NYAP2: variants seen among roughly 807,000 people sequenced by gnomAD.
NYAP2 encodes the protein neuronal tyrosine-phosphorylated phosphoinositide-3-kinase adaptor 2.
Under a neutral mutation model 50.4 loss-of-function variants are expected in NYAP2, and 23 were observed. The ratio of observed to expected loss-of-function variants is 0.46; its 90% CI spans 0.33 to 0.65. NYAP2 has a LOEUF of 0.65. Ranked by LOEUF, NYAP2 falls within the 30% of genes least tolerant of loss-of-function variation. NYAP2 has a pLI of 0.02. For missense variants in NYAP2, 885 were observed against 861.0 expected, an observed-to-expected ratio of 1.03 and a Z score of -0.35; for synonymous variants, 394 against 365.2, an observed-to-expected ratio of 1.08 and a Z score of -0.90.
At chr2:225,467,251 GCA>G (rs1465276528) in intron 3 of NYAP2, among the ~76,000 whole-genome samples, 1 of 152,172 alleles carries the variant, frequency 6.6e-6, no homozygotes, top group Non-Finnish European at 1.5e-5. Flanking sequence ...GCCTCTTAGT[GCA>G]CATGTGTGAG....
intron 3 of NYAP2, among the ~76,000 whole-genome samples, chr2:225,449,601 CTTTTTTTT>C (rs201552006): frequency 6.0e-4 from 58 of 96,318 alleles, no homozygotes; most frequent in African/African-American, 2.1e-3. Context: ...CTCTCTTTCT[CTTTTTTTT>C]TTTTTTTTTT....
chr2:225,508,011 C>T lies in NYAP2; in HGVS notation c.222-5360C>T, dbSNP rs115487752. ...TTGGTGGAGATATTTACAAACATTG[C>T]ATCAATTACTTCTGGAAAAATAACC... On this transcript the variant is annotated intron_variant, in intron 3 of 6. Coordinates refer to ENST00000636099, the Ensembl canonical transcript of NYAP2. Among the ~76,000 whole-genome samples, 707 of 152,290 alleles carry T rather than the reference C, an allele frequency of 4.6e-3. 6 individuals carry two copies. Among genetic ancestry groups the T allele is most frequent in the African/African-American group, 0.016 (680 of 41,558 alleles).
At chr2:225,636,122 C>A (rs1259817079) in intron 6 of NYAP2, among the ~76,000 whole-genome samples, 1 of 152,120 alleles carries the variant, frequency 6.6e-6, no homozygotes, top group Admixed American at 6.6e-5. Flanking sequence ...AATAAAACAA[C>A]CAATTATTCC....
At chr2:225,541,546 C>T (rs1472237785) in intron 4 of NYAP2, among the ~76,000 whole-genome samples, 2 of 152,098 alleles carry the variant, frequency 1.3e-5, no homozygotes, top group Non-Finnish European at 2.9e-5. Context: ...ATTGAAGAGA[C>T]TGTCTTTTCC....
chr2:225,529,667 G>A (rs2106196278), intron 4 of NYAP2, among the ~76,000 whole-genome samples: 1 of 150,400 alleles, frequency 6.6e-6, no homozygotes, highest in African/African-American at 2.4e-5. Flanking sequence ...GAGATAACTT[G>A]GCTTCATTCT....
At chr2:225,685,949 A>T in the NYAP2 span, among the ~76,000 whole-genome samples, 1 of 152,142 alleles carries the variant, frequency 6.6e-6, no homozygotes, top group Non-Finnish European at 1.5e-5. Flanking sequence ...TAAGTTACAA[A>T]TCAAGTCTTT....
intron 4 of NYAP2, among the ~76,000 whole-genome samples, chr2:225,565,887 G>A (rs34466251): frequency 0.19 from 28,838 of 149,810 alleles, 3,175 homozygotes; most frequent in African/African-American, 0.32. Context: ...TATTGGTAGT[G>A]TTTTAAAAAA....
At chr2:225,701,531 C>T in the NYAP2 span, 22 of 151,706 alleles carry the variant, frequency 1.5e-4, no homozygotes, top group Non-Finnish European at 3.1e-4. Context: ...TAAAAATCTG[C>T]ATTTATTTCA....
chr2:225,669,267 G>A, the NYAP2 span, among the ~76,000 whole-genome samples: 2 of 152,054 alleles, frequency 1.3e-5, no homozygotes, highest in South Asian at 4.1e-4. Context: ...GAGATCAAAA[G>A]TCATTATGGC....
rs780292212 is a variant in NYAP2, at chr2:225,442,414, CT to C, written c.221+33320del. Among the ~76,000 whole-genome samples, 22 of 152,080 alleles carry C rather than the reference CT, an allele frequency of 1.4e-4. No individual in the cohort carries two copies. In the East Asian group the frequency reaches 4.2e-3, roughly 29 times the overall value. On this transcript the variant is annotated intron_variant, in intron 3 of 6. Transcript: ENST00000636099. ...CAAATATCTTATATTGCTACTTTGA[CT>C]TTTTTTGAATCACTGATGAAGAAAA...
chr2:225,431,586 G>A (rs902562370), intron 3 of NYAP2, among the ~76,000 whole-genome samples: 4 of 152,178 alleles, frequency 2.6e-5, no homozygotes, highest in African/African-American at 4.8e-5. Context: ...TCACATTTAT[G>A]TGCAAATGTT....
intron 4 of NYAP2, among the ~76,000 whole-genome samples, chr2:225,571,222 G>A (rs1692066105): frequency 6.6e-6 from 1 of 152,180 alleles, no homozygotes; most frequent in African/African-American, 2.4e-5. Context: ...GCTTTTCCAG[G>A]CACATGGTGC....
chr2:225,664,472 G>C, the NYAP2 span, among the ~76,000 whole-genome samples: 1 of 152,212 alleles, frequency 6.6e-6, no homozygotes, highest in Non-Finnish European at 1.5e-5. Flanking sequence ...CATTGGGACT[G>C]TTGACTGTGG....
chr2:225,571,901 T>C (rs1692079715), intron 4 of NYAP2, among the ~76,000 whole-genome samples: 1 of 152,252 alleles, frequency 6.6e-6, no homozygotes, highest in South Asian at 2.1e-4. Context: ...CTACTTCCTC[T>C]TGAACGCTTT....
intron 3 of NYAP2, among the ~76,000 whole-genome samples, chr2:225,493,027 C>T (rs1162705709): frequency 1.3e-5 from 2 of 151,650 alleles, no homozygotes; most frequent in Admixed American, 6.6e-5. Context: ...CACTGTGTCA[C>T]CCAGGCTGGA....
chr2:225,583,193 A>C (rs941696309), intron 5 of NYAP2, among the ~76,000 whole-genome samples, 158 bp downstream of exon 5: 2 of 152,216 alleles, frequency 1.3e-5, no homozygotes, highest in African/African-American at 2.4e-5. Context: ...CATTTTTGCC[A>C]TGCTAAACCA....
chr2:225,544,110 T>G (rs1398578679), intron 4 of NYAP2, among the ~76,000 whole-genome samples: 1 of 152,094 alleles, frequency 6.6e-6, no homozygotes, highest in South Asian at 2.1e-4. Flanking sequence ...GCTATTTCTG[T>G]TTTTCTTTGG....
In NYAP2 at chr2:225,438,855, A is replaced by T. The variant is rs534448947; in HGVS notation, c.221+29754A>T. 7.9e-5 allele frequency among the ~76,000 whole-genome samples: 12 copies of T among 152,368 alleles called. 1 individual carries two copies. The East Asian group carries it at 2.1e-3, about 27-fold the overall frequency. Reference sequence around the variant, plus strand: ...TGGGAAAATAAATACATAAAGTAAGACCTACAGTATGAGTAGAAGAGTTTT... The same window carrying T: ...TGGGAAAATAAATACATAAAGTAAGTCCTACAGTATGAGTAGAAGAGTTTT... On this transcript the variant is annotated intron_variant, in intron 3 of 6. Transcript: ENST00000636099.
At chr2:225,525,257 T>A (rs1691131570) in intron 4 of NYAP2, among the ~76,000 whole-genome samples, 2 of 152,208 alleles carry the variant, frequency 1.3e-5, no homozygotes, top group African/African-American at 4.8e-5. Context: ...AAAGAAACCA[T>A]TTCATCAAAT....
Sources: gnomAD v4.1 joint callset for allele counts (sites outside exome capture counted in the v4.1 genomes callset) on GRCh38, gnomAD v4.1.1 for gene constraint, MANE v1.5 for transcripts, NCBI Gene and HGNC (gene_info 2026-07-23, HGNC 2026-07-21) for gene names.